Variants in ANKRD30B observed in about 807,000 individuals in gnomAD.
The protein encoded by ANKRD30B is ankyrin repeat domain 30B.
Under a neutral mutation model 202.2 loss-of-function variants are expected in ANKRD30B, and 144 were observed. The ratio of observed to expected loss-of-function variants is 0.71; its 90% confidence interval spans 0.62 to 0.82. The LOEUF is 0.82. ANKRD30B is among the 40% of genes least tolerant of loss of function. The pLI, the probability that ANKRD30B is intolerant of heterozygous loss-of-function variation, is 0.00. For synonymous variants in ANKRD30B, 508 were observed against 561.3 expected (o/e 0.91, Z 1.34); for missense variants, 1,487 against 1,669.1 (o/e 0.89, Z 1.90).
the ANKRD30B span, among the ~76,000 whole-genome samples, chr18:14,916,413 G>A: frequency 1.3e-5 from 2 of 152,200 alleles, no homozygotes; most frequent in Non-Finnish European, 2.9e-5. Context: ...CCACTTTACA[G>A]AATAGGCTGA....
rs1374989842 is a variant in ANKRD30B at position 14,820,094 on chromosome 18, A to G, written c.2642-2389A>G. On this transcript the variant is annotated intron_variant, in intron 30 of 43. Transcript: ENST00000690538. ...GTCCTTCACATCCCTTGTAAGTTGG[A>G]TTCCTATTTATTTTATTCTCTTTGA... is the stretch of plus-strand genomic sequence containing the variant. Among the ~76,000 whole-genome samples the G allele has an allele frequency of 3.9e-5, 6 of 152,098 alleles. No homozygotes were observed. The East Asian group carries it at 1.2e-3, about 29-fold the overall frequency.
the ANKRD30B span, among the ~76,000 whole-genome samples, chr18:14,927,336 A>G: frequency 8.5e-5 from 13 of 152,332 alleles, no homozygotes; most frequent in Middle Eastern, 3.4e-3. Context: ...CCTAGCTCAC[A>G]TGCCCTATGT....
chr18:14,798,019 G>C (rs1370462157), intron 20 of ANKRD30B, among the ~76,000 whole-genome samples, 165 bp downstream of exon 20: 1 of 152,104 alleles, frequency 6.6e-6, no homozygotes, highest in Non-Finnish European at 1.5e-5. Flanking sequence ...ATGTCATTTA[G>C]AAGCATAAGA....
At chr18:14,879,770 GGGGTCAGGGTCAGGGGTTAA>G in the ANKRD30B span, among the ~76,000 whole-genome samples, 1 of 151,846 alleles carries the variant, frequency 6.6e-6, no homozygotes, top group Non-Finnish European at 1.5e-5. Context: ...TCAGGGGATA[GGGGTCAGGGTCAGGGGTTAA>G]GGGTCAGGGT....
Position 14,764,073 on chromosome 18 carries a change from C to G in ANKRD30B, c.1208C>G (p.Thr403Arg). ...GCATGTCCTACAAAAGAAACATCTA[C>G]AAAAGCAAGTACAAATGGTAAGATG... ...MIACPTKETS[T>R]KASTNVDVSS... Residue 403 changes from threonine (T) to arginine (R), a missense_variant, in exon 7 of 44, where the codon ACA becomes AGA. Thr to Arg is a moderately conservative substitution (Grantham distance 71). Coordinates refer to ENST00000690538, the MANE Select transcript of ANKRD30B (RefSeq NM_001367607.2). 3 of 1,531,042 alleles carry G rather than the reference C, an allele frequency of 2.0e-6. 1 individual carries two copies. In the African/African-American group the frequency reaches 4.2e-5, roughly 22 times the overall value. 94.8% of individuals were successfully genotyped at this position (1,531,042 alleles called of 1,614,324 possible). A position where few individuals can be genotyped will look rare whatever the true frequency, so the allele number is the denominator to read the frequency against.
the ANKRD30B span, among the ~76,000 whole-genome samples, chr18:14,874,161 A>T: frequency 2.0e-5 from 3 of 152,218 alleles, no homozygotes; most frequent in Non-Finnish European, 4.4e-5. Flanking sequence ...GCACAGAGTA[A>T]GTGATTTATA....
intron 41 of ANKRD30B, 67 bp downstream of exon 41, chr18:14,850,449 C>A: frequency 7.3e-7 from 1 of 1,378,740 alleles, no homozygotes; most frequent in East Asian, 2.7e-5. Context: ...TTTTAACATC[C>A]CTTTGATTTA....
At chr18:14,870,090 C>T in the ANKRD30B span, among the ~76,000 whole-genome samples, 4 of 152,186 alleles carry the variant, frequency 2.6e-5, no homozygotes, top group African/African-American at 9.7e-5. Context: ...CCTGCCTCGG[C>T]CTCCCAAAGT....
chr18:14,792,919 G>A (rs1466430900), intron 16 of ANKRD30B, among the ~76,000 whole-genome samples: 13 of 151,968 alleles, frequency 8.6e-5, no homozygotes, highest in Middle Eastern at 3.2e-3. Context: ...CCATAATTCT[G>A]AATTCATGAC....
chr18:14,886,131 A>G, the ANKRD30B span, among the ~76,000 whole-genome samples: 1 of 151,838 alleles, frequency 6.6e-6, no homozygotes, highest in Non-Finnish European at 1.5e-5. Context: ...TTGTGTACAA[A>G]TGTGAAGGCT....
the ANKRD30B span, among the ~76,000 whole-genome samples, chr18:14,896,136 ATTTT>A: frequency 7.1e-6 from 1 of 140,692 alleles, no homozygotes; most frequent in Non-Finnish European, 1.6e-5. Flanking sequence ...TTATCTGCTC[ATTTT>A]TTTTTTTTTT....
the ANKRD30B span, among the ~76,000 whole-genome samples, chr18:14,935,858 C>A: frequency 6.6e-6 from 1 of 152,184 alleles, no homozygotes; most frequent in Non-Finnish European, 1.5e-5. Flanking sequence ...CTTGTGTTAC[C>A]CCAGGGAGTG....
intron 4 of ANKRD30B, among the ~76,000 whole-genome samples, 191 bp downstream of exon 4, chr18:14,755,196 ACTTAT>A (rs1308518108): frequency 6.6e-6 from 1 of 152,102 alleles, no homozygotes; most frequent in Non-Finnish European, 1.5e-5. Flanking sequence ...GTATAGTAGG[ACTTAT>A]CTTCTCTTAT....
intron 7 of ANKRD30B, among the ~76,000 whole-genome samples, chr18:14,768,063 A>G (rs1430480575): frequency 6.6e-6 from 1 of 152,214 alleles, no homozygotes; most frequent in Admixed American, 6.5e-5. Flanking sequence ...GCTGGTCACA[A>G]GAAAGAAGAA....
chr18:14,840,681 A>C lies in ANKRD30B; in HGVS notation c.3079+3A>C, dbSNP rs997175528. ...GACAACAAATGGCAAAATAGAAGGT[A>C]AGAACCATTTTTTATTTAAAACATC... On this transcript the variant is annotated splice_donor_region_variant and intron_variant, in intron 37 of 43. Transcript: ENST00000690538. 2.0e-6 allele frequency: 3 copies of C among 1,480,516 alleles called. No individual in the cohort carries two copies. Among genetic ancestry groups the C allele is most frequent in the Admixed American group, 4.4e-5 (2 of 45,604 alleles). The allele number at this position is 1,480,516 out of a possible 1,614,324, so 91.7% of individuals were successfully genotyped here.
intron 12 of ANKRD30B, among the ~76,000 whole-genome samples, 198 bp from the exon 13 acceptor site, chr18:14,784,138 G>GAAGA (rs1967928888): frequency 6.6e-6 from 1 of 152,100 alleles, no homozygotes; most frequent in Admixed American, 6.5e-5. Flanking sequence ...CATGATCTAT[G>GAAGA]AAACCTATAT....
chr18:14,820,479 G>T (rs983937859), intron 30 of ANKRD30B, among the ~76,000 whole-genome samples: 1 of 152,082 alleles, frequency 6.6e-6, no homozygotes, highest in African/African-American at 2.4e-5. Flanking sequence ...TGCCCATTCA[G>T]TATGATATTG....
At chr18:14,827,438 G>T (rs546034944) in intron 32 of ANKRD30B, among the ~76,000 whole-genome samples, 1 of 152,300 alleles carries the variant, frequency 6.6e-6, no homozygotes, top group East Asian at 1.9e-4. Context: ...GAAGTCTTGT[G>T]AGACTGAGCA....
In ANKRD30B at chr18:14,826,677, CCT is replaced by C. The variant is rs1161926032; in HGVS notation, c.2744-1585_2744-1584del. Among the ~76,000 whole-genome samples the C allele has an allele frequency of 1.7e-4, 23 of 133,046 alleles. 1 individual carries two copies. The highest frequency in any genetic ancestry group is 9.2e-4 in the East Asian group (4 of 4,360). The allele number at this position is 133,046 out of a possible 152,430, so 87.3% of individuals were successfully genotyped here. A position where few individuals can be genotyped will look rare whatever the true frequency, so the allele number is the denominator to read the frequency against. ...TTGTTTCTCTCTCTCTCTCTCTCCC[CCT>C]CTCTCTCTCTCTCTCACACACACAC... On this transcript the variant is annotated intron_variant, in intron 32 of 43. Transcript: ENST00000690538.
Sources: gnomAD v4.1 joint callset for allele counts (sites outside exome capture counted in the v4.1 genomes callset) on GRCh38, gnomAD v4.1.1 for gene constraint, MANE v1.5 for transcripts, NCBI Gene and HGNC (gene_info 2026-07-23, HGNC 2026-07-21) for gene names.